The following YEATS2 variants were observed in gnomAD, a reference collection of about 807,000 sequenced individuals.
The protein encoded by YEATS2 is YEATS domain containing 2, also known as YEATS domain-containing protein 2.
In YEATS2, 77 loss-of-function variants were observed where a neutral mutation model predicts 163.2. The ratio of observed to expected loss-of-function variants is 0.47; its 90% CI spans 0.39 to 0.57. YEATS2 has a LOEUF of 0.57. Among genes scored for constraint, YEATS2 ranks in the 20% least tolerant of loss-of-function variants. The pLI, the probability that YEATS2 is intolerant of heterozygous loss-of-function variation, is 0.00. For synonymous variants in YEATS2, 631 were observed against 645.1 expected, an observed-to-expected ratio of 0.98 and a Z score of 0.33; for missense variants, 1,549 against 1,729.8, an observed-to-expected ratio of 0.90 and a Z score of 1.85.
intron 15 of YEATS2, among the ~76,000 whole-genome samples, chr3:183,769,451 CA>C (rs1257691386): frequency 4.6e-5 from 7 of 152,180 alleles, no homozygotes; most frequent in African/African-American, 1.7e-4. Flanking sequence ...CAACAGCTGT[CA>C]TGTTAGCTAG....
Position 183,717,580 on chromosome 3 carries a change from T to G in YEATS2, c.101-71T>G, listed in dbSNP as rs373653066. 10 of 1,159,602 alleles carry G rather than the reference T, an allele frequency of 8.6e-6. No homozygotes were observed. The East Asian group carries it at 1.4e-4, about 16-fold the overall frequency. 71.8% of individuals were successfully genotyped at this position (1,159,602 alleles called of 1,614,324 possible). On this transcript the variant is annotated intron_variant, in intron 2 of 30. Transcript: ENST00000305135. ...TTACTATTTCTTGGATTTCTTTTGTTGCTTGCTGACTTAAATAAAGACAGT... is the reference window on the plus strand; with the variant it reads ...TTACTATTTCTTGGATTTCTTTTGTGGCTTGCTGACTTAAATAAAGACAGT...
intron 19 of YEATS2, among the ~76,000 whole-genome samples, chr3:183,785,639 GAGCA>G (rs1196018300): frequency 6.6e-6 from 1 of 152,044 alleles, no homozygotes; most frequent in Non-Finnish European, 1.5e-5. Context: ...CTAGGTGACA[GAGCA>G]AGACCCTGTC....
chr3:183,700,218 A>C (rs142305132), intron 1 of YEATS2, among the ~76,000 whole-genome samples: 1 of 152,272 alleles, frequency 6.6e-6, no homozygotes, highest in Admixed American at 6.5e-5. Flanking sequence ...CTCAGTTTCA[A>C]ATGCTTCATG....
chr3:183,742,631 G>A (rs1719093053), intron 8 of YEATS2, among the ~76,000 whole-genome samples: 1 of 152,216 alleles, frequency 6.6e-6, no homozygotes, highest in Admixed American at 6.5e-5. Flanking sequence ...TCCTGGTGAT[G>A]ATGCTGTGAA....
intron 1 of YEATS2, among the ~76,000 whole-genome samples, chr3:183,702,423 C>T (rs1447380493): frequency 6.6e-6 from 1 of 151,662 alleles, no homozygotes. Flanking sequence ...CCAGCCTGGG[C>T]GACATAGTGA....
rs376661624 is a variant in YEATS2, at chr3:183,724,384, A to G, written c.538-35A>G. 1.8e-5 allele frequency: 27 copies of G among 1,509,178 alleles called. No homozygotes were observed. In the African/African-American group the frequency reaches 3.3e-4, roughly 19 times the overall value. 93.5% of individuals were successfully genotyped at this position (1,509,178 alleles called of 1,614,324 possible). A position where few individuals can be genotyped will look rare whatever the true frequency, so the allele number is the denominator to read the frequency against. On this transcript the variant is annotated intron_variant, in intron 5 of 30. Transcript: ENST00000305135. ...TTTCTGTCCTATTGAAAGTTGTTCAAAATGAGAATGGATGTTGATTATGAT... is the reference window on the plus strand; with the variant it reads ...TTTCTGTCCTATTGAAAGTTGTTCAGAATGAGAATGGATGTTGATTATGAT...
At chr3:183,713,329 C>G (rs1328445611) in intron 1 of YEATS2, among the ~76,000 whole-genome samples, 1 of 152,138 alleles carries the variant, frequency 6.6e-6, no homozygotes, top group Non-Finnish European at 1.5e-5. Flanking sequence ...CTTTGGGAGG[C>G]CAAGGCAGGT....
intron 12 of YEATS2, among the ~76,000 whole-genome samples, chr3:183,757,055 C>T (rs990546273): frequency 5.3e-5 from 8 of 152,044 alleles, no homozygotes; most frequent in African/African-American, 1.9e-4. Context: ...GGCCACATAC[C>T]GTTCTCCCCA....
intron 20 of YEATS2, among the ~76,000 whole-genome samples, chr3:183,789,525 A>AATTTT (rs1724386406): frequency 8.4e-4 from 56 of 66,348 alleles, no homozygotes; most frequent in South Asian, 6.2e-3. Flanking sequence ...ATTCGAGTTA[A>AATTTT]TTTTTTTTTT....
intron 12 of YEATS2, 71 bp from the exon 13 acceptor site, chr3:183,758,791 G>A (rs1721032671): frequency 1.9e-6 from 2 of 1,052,794 alleles, no homozygotes; most frequent in Non-Finnish European, 2.9e-6. Flanking sequence ...GGGGAGGATG[G>A]TAGAAATGCT....
Position 183,807,181 on chromosome 3 carries a change from GT to G in YEATS2, c.4011+91del, listed in dbSNP as rs995230960. The G allele has an allele frequency of 2.2e-5, 27 of 1,205,032 alleles. No individual in the cohort carries two copies. In the African/African-American group the frequency reaches 3.9e-4, roughly 18 times the overall value. 74.6% of individuals were successfully genotyped at this position (1,205,032 alleles called of 1,614,324 possible). ...CAGCTTCACAGACCCAGACCCAGGT[GT>G]TCAGCCTCACAGACACAGACTCAGA... On this transcript the variant is annotated intron_variant, in intron 28 of 30. Coordinates refer to ENST00000305135, the MANE Select transcript of YEATS2 (RefSeq NM_018023.5).
chr3:183,742,923 T>G (rs1719130433), intron 8 of YEATS2, among the ~76,000 whole-genome samples: 1 of 152,200 alleles, frequency 6.6e-6, no homozygotes, highest in African/African-American at 2.4e-5. Context: ...AACAAAGAGA[T>G]TACAGTTCAC....
At chr3:183,741,008 G>A (rs1003023003) in intron 8 of YEATS2, among the ~76,000 whole-genome samples, 3 of 151,916 alleles carry the variant, frequency 2.0e-5, no homozygotes, top group Admixed American at 6.6e-5. Context: ...GCGTGATCTC[G>A]GCTCACTGCA....
intron 1 of YEATS2, among the ~76,000 whole-genome samples, chr3:183,704,806 T>C (rs1714458387): frequency 1.3e-5 from 2 of 151,898 alleles, no homozygotes; most frequent in African/African-American, 4.8e-5. Context: ...TTTTTGTATT[T>C]TTAGTAGAGA....
At chr3:183,719,009 C>G (rs1283844458) in intron 4 of YEATS2, among the ~76,000 whole-genome samples, 2 of 150,972 alleles carry the variant, frequency 1.3e-5, no homozygotes, top group African/African-American at 2.4e-5. Flanking sequence ...ATACTTCTTA[C>G]ATTGACCTTC....
intron 13 of YEATS2, among the ~76,000 whole-genome samples, 199 bp from the exon 14 acceptor site, chr3:183,761,308 A>T (rs1245193820): frequency 6.6e-6 from 1 of 151,948 alleles, no homozygotes; most frequent in Non-Finnish European, 1.5e-5. Flanking sequence ...GCTGGTCTTG[A>T]TCTCCCGACC....
At chr3:183,752,722 A>T (rs181877319) in intron 10 of YEATS2, among the ~76,000 whole-genome samples, 4,101 of 151,574 alleles carry the variant, frequency 0.027, 184 homozygotes, top group African/African-American at 0.093. Flanking sequence ...AAAAAAAAAA[A>T]AAATTTCCAT....
Position 183,801,547 on chromosome 3 carries a change from A to C in YEATS2, c.3502+19A>C. ...GCAAAAAGTAAGACAATTACACTGAATATAGGGGTGCATTTTTGAAAGCTG... is the reference window on the plus strand; with the variant it reads ...GCAAAAAGTAAGACAATTACACTGACTATAGGGGTGCATTTTTGAAAGCTG... On this transcript the variant is annotated intron_variant, in intron 25 of 30. Coordinates refer to ENST00000305135, the MANE Select transcript of YEATS2 (RefSeq NM_018023.5). 1.3e-6 allele frequency: 2 copies of C among 1,573,246 alleles called. No individual in the cohort carries two copies. The highest frequency in any genetic ancestry group is 1.4e-5 in the African/African-American group (1 of 73,644).
chr3:183,727,699 G>A (rs1445365886), intron 6 of YEATS2, among the ~76,000 whole-genome samples: 1 of 152,136 alleles, frequency 6.6e-6, no homozygotes, highest in African/African-American at 2.4e-5. Flanking sequence ...GGCCCATAAA[G>A]GGGAGCGCTA....
Sources: gnomAD v4.1 joint callset for allele counts (sites outside exome capture counted in the v4.1 genomes callset) on GRCh38, gnomAD v4.1.1 for gene constraint, MANE v1.5 for transcripts, NCBI Gene and HGNC (gene_info 2026-07-23, HGNC 2026-07-21) for gene names.